Variants in SUGCT observed in about 807,000 individuals in gnomAD.
SUGCT encodes succinyl-CoA:glutarate CoA-transferase.
A neutral mutation model predicts 55.0 loss-of-function variants in SUGCT; 41 were observed. That is an observed-to-expected ratio of 0.74 (90% CI 0.58 to 0.97). SUGCT has a LOEUF of 0.97. SUGCT is among the 50% of genes least tolerant of loss of function. The pLI, the probability that SUGCT is intolerant of heterozygous loss-of-function variation, is 0.00. For missense variants in SUGCT, 568 were observed against 547.8 expected, an observed-to-expected ratio of 1.04 and a Z score of -0.37; for synonymous variants, 187 against 200.4, an observed-to-expected ratio of 0.93 and a Z score of 0.56.
chr7:40,784,888 T>C (rs1181119778), intron 13 of SUGCT, among the ~76,000 whole-genome samples: 3 of 152,194 alleles, frequency 2.0e-5, no homozygotes, highest in Non-Finnish European at 4.4e-5. Context: ...ATTAATAATA[T>C]TAACATATAC....
At chr7:40,546,348 G>A (rs1227278536) in intron 12 of SUGCT, among the ~76,000 whole-genome samples, 2 of 152,068 alleles carry the variant, frequency 1.3e-5, no homozygotes, top group South Asian at 2.1e-4. Context: ...CTTAAGAAAG[G>A]TAATTAGATT....
At chr7:40,826,828 C>G (rs952869953) in intron 13 of SUGCT, among the ~76,000 whole-genome samples, 4 of 152,128 alleles carry the variant, frequency 2.6e-5, no homozygotes, top group Admixed American at 6.6e-5. Flanking sequence ...AAGGGTATTT[C>G]TTTTAAGTAT....
At chr7:40,936,986 T>A in the SUGCT span, among the ~76,000 whole-genome samples, 1 of 152,208 alleles carries the variant, frequency 6.6e-6, no homozygotes, top group East Asian at 1.9e-4. Context: ...TGAATTCTTT[T>A]AAAATTTTAA....
intron 9 of SUGCT, among the ~76,000 whole-genome samples, chr7:40,444,010 C>T (rs1424624096): frequency 1.3e-5 from 2 of 151,924 alleles, no homozygotes; most frequent in South Asian, 2.1e-4. Flanking sequence ...TTTTGTCAGG[C>T]TTGTCAAAGA....
intron 11 of SUGCT, among the ~76,000 whole-genome samples, chr7:40,473,104 T>C (rs1254147169): frequency 9.9e-5 from 15 of 152,200 alleles, no homozygotes; most frequent in Non-Finnish European, 4.4e-5. Context: ...GTTTCATTTT[T>C]CAGTGGGAGA....
intron 12 of SUGCT, among the ~76,000 whole-genome samples, chr7:40,731,770 A>G (rs370405125): frequency 1.8e-4 from 27 of 152,360 alleles, no homozygotes; most frequent in Middle Eastern, 6.8e-3. Context: ...AGTGAAACAT[A>G]GGATGAAAAC....
chr7:40,212,967 A>G (rs569063086), intron 6 of SUGCT, among the ~76,000 whole-genome samples: 1 of 152,346 alleles, frequency 6.6e-6, no homozygotes, highest in South Asian at 2.1e-4. Flanking sequence ...CGTATCATAT[A>G]TCATAAATGT....
At chr7:40,171,239 GAGA>G (rs1248910399) in intron 1 of SUGCT, among the ~76,000 whole-genome samples, 2 of 152,172 alleles carry the variant, frequency 1.3e-5, no homozygotes, top group Non-Finnish European at 2.9e-5. Flanking sequence ...TTTTTCCTAC[GAGA>G]AGAAGAGCAA....
intron 12 of SUGCT, among the ~76,000 whole-genome samples, chr7:40,653,471 A>G (rs1463744972): frequency 6.6e-6 from 1 of 152,090 alleles, no homozygotes; most frequent in African/African-American, 2.4e-5. Flanking sequence ...CATTACTTCT[A>G]CTCTGTGACA....
chr7:40,750,890 A>ATCAG (rs1787980634), intron 13 of SUGCT, among the ~76,000 whole-genome samples: 1 of 152,206 alleles, frequency 6.6e-6, no homozygotes, highest in South Asian at 2.1e-4. Context: ...ATTACTGAGT[A>ATCAG]TATACTATGT....
intron 9 of SUGCT, among the ~76,000 whole-genome samples, chr7:40,322,595 G>T (rs911576818): frequency 6.6e-6 from 1 of 152,150 alleles, no homozygotes. Flanking sequence ...TTCAGCTATA[G>T]TGTTGCCCTC....
chr7:40,986,573 G>A, the SUGCT span, among the ~76,000 whole-genome samples: 1 of 152,142 alleles, frequency 6.6e-6, no homozygotes, highest in Non-Finnish European at 1.5e-5. Flanking sequence ...AAAACAGTGC[G>A]GGATTGGGTC....
At chr7:40,463,043 T>C (rs1310510260) in intron 11 of SUGCT, among the ~76,000 whole-genome samples, 1 of 152,212 alleles carries the variant, frequency 6.6e-6, no homozygotes, top group African/African-American at 2.4e-5. Context: ...AACATATTTT[T>C]AGTAACAGTA....
At chr7:40,619,852 C>T (rs960392627) in intron 12 of SUGCT, among the ~76,000 whole-genome samples, 6 of 152,134 alleles carry the variant, frequency 3.9e-5, no homozygotes, top group African/African-American at 1.4e-4. Flanking sequence ...TATAATGTTT[C>T]CTTGTCGTAT....
At chr7:40,638,288 A>T (rs1440245933) in intron 12 of SUGCT, among the ~76,000 whole-genome samples, 1 of 152,142 alleles carries the variant, frequency 6.6e-6, no homozygotes, top group Non-Finnish European at 1.5e-5. Context: ...ATTTTTTTAA[A>T]AATTGAGCAG....
chr7:40,887,858 T>G, the SUGCT span, among the ~76,000 whole-genome samples: 1 of 151,996 alleles, frequency 6.6e-6, no homozygotes, highest in African/African-American at 2.4e-5. Flanking sequence ...CCCAATAAAT[T>G]TGAATGAAAA....
chr7:40,955,291 GT>G, the SUGCT span, among the ~76,000 whole-genome samples: 1 of 152,066 alleles, frequency 6.6e-6, no homozygotes, highest in East Asian at 1.9e-4. Context: ...TTTTCCATTT[GT>G]TTGTGTCTGA....
chr7:41,038,398 C>T, the SUGCT span, among the ~76,000 whole-genome samples: 1 of 152,230 alleles, frequency 6.6e-6, no homozygotes, highest in Non-Finnish European at 1.5e-5. Flanking sequence ...TGGCTGAAAG[C>T]CCAAGGGAGG....
chr7:40,231,290 A>G (rs1350131962), intron 6 of SUGCT, among the ~76,000 whole-genome samples: 1 of 152,202 alleles, frequency 6.6e-6, no homozygotes, highest in African/African-American at 2.4e-5. Context: ...TTTATTAAAC[A>G]TGCTTTTGCT....
Sources: gnomAD v4.1 joint callset for allele counts (sites outside exome capture counted in the v4.1 genomes callset) on GRCh38, gnomAD v4.1.1 for gene constraint, MANE v1.5 for transcripts, NCBI Gene and HGNC (gene_info 2026-07-23, HGNC 2026-07-21) for gene names.